DOCK10: variants seen among roughly 807,000 people sequenced by gnomAD.
DOCK10 encodes the protein dedicator of cytokinesis protein 10.
In DOCK10, 145 loss-of-function variants were observed where a neutral mutation model predicts 280.1. That is an observed-to-expected ratio of 0.52 (90% CI 0.45 to 0.59). DOCK10 has a LOEUF of 0.59. Ranked by LOEUF, DOCK10 falls within the 20% of genes least tolerant of loss-of-function variation. The pLI, the probability that DOCK10 is intolerant of heterozygous loss-of-function variation, is 0.00. For missense variants in DOCK10, 2,368 were observed against 2,651.7 expected, an observed-to-expected ratio of 0.89 and a Z score of 2.35; for synonymous variants, 915 against 942.2, an observed-to-expected ratio of 0.97 and a Z score of 0.53.
chr2:224,908,412 C>A (rs530663966), intron 3 of DOCK10, among the ~76,000 whole-genome samples: 1 of 79,294 alleles, frequency 1.3e-5, no homozygotes, highest in Admixed American at 1.6e-4. Context: ...TAATCATCAT[C>A]GTTTGTGTGT....
intron 1 of DOCK10, among the ~76,000 whole-genome samples, chr2:224,986,095 A>G (rs1267764366): frequency 1.3e-5 from 2 of 152,126 alleles, no homozygotes; most frequent in Admixed American, 1.3e-4. Context: ...TCCCCAAAAG[A>G]CCTGGTGCAT....
intron 2 of DOCK10, among the ~76,000 whole-genome samples, chr2:224,918,636 G>T (rs1420025277): frequency 1.3e-5 from 2 of 149,270 alleles, no homozygotes; most frequent in Non-Finnish European, 3.0e-5. Flanking sequence ...GTATGTACTT[G>T]TGGTGTGTGT....
chr2:224,878,949 A>G (rs142312537), intron 7 of DOCK10, among the ~76,000 whole-genome samples: 127 of 152,380 alleles, frequency 8.3e-4, no homozygotes, highest in Middle Eastern at 3.4e-3. Flanking sequence ...AAACATAGCC[A>G]GTCCCTGCTC....
intron 40 of DOCK10, among the ~76,000 whole-genome samples, chr2:224,801,677 T>A (rs1234811501): frequency 6.6e-6 from 1 of 152,152 alleles, no homozygotes; most frequent in East Asian, 1.9e-4. Flanking sequence ...ATGCTGAAAG[T>A]AACTTGTTTC....
Position 224,845,557 on chromosome 2 carries a change from T to C in DOCK10, c.2321A>G (p.Lys774Arg), listed in dbSNP as rs760661755. Reference protein sequence around the residue: ...FYHVTCDINAKANAKKKEALE... With the variant: ...FYHVTCDINARANAKKKEALE... The stretch of plus-strand genomic sequence containing the variant: ...AGCCTCCTTCTTTTTGGCATTAGCT[T>C]TTGCATTGATGTCACAGGTGACGTG... Residue 774 changes from lysine to arginine, a missense_variant, in exon 20 of 56, where the codon AAA becomes AGA. Transcript: ENST00000258390. The C allele has an allele frequency of 3.7e-6, 6 of 1,613,446 alleles. No individual in the cohort carries two copies. The highest frequency in any genetic ancestry group is 1.3e-5 in the African/African-American group (1 of 74,894).
chr2:224,766,824 C>T (rs1234446971), intron 55 of DOCK10, among the ~76,000 whole-genome samples: 3 of 152,178 alleles, frequency 2.0e-5, no homozygotes, highest in Admixed American at 2.0e-4. Context: ...TTATTATAAA[C>T]AGTATGGAAT....
chr2:224,781,353 T>A (rs1691322838), intron 50 of DOCK10, among the ~76,000 whole-genome samples: 1 of 152,140 alleles, frequency 6.6e-6, no homozygotes, highest in Non-Finnish European at 1.5e-5. Context: ...AAGAAGGAGA[T>A]GGAGGAGCAG....
intron 1 of DOCK10, among the ~76,000 whole-genome samples, chr2:224,964,845 A>G (rs1281667315): frequency 6.6e-6 from 1 of 152,202 alleles, no homozygotes; most frequent in Non-Finnish European, 1.5e-5. Context: ...CCCGGCTATA[A>G]GAACACATAC....
chr2:224,918,594 G>A (rs1459684426), intron 2 of DOCK10, among the ~76,000 whole-genome samples: 1 of 150,142 alleles, frequency 6.7e-6, no homozygotes, highest in Non-Finnish European at 1.5e-5. Flanking sequence ...GTATGAGTGT[G>A]TGTGGTGCGT....
At chr2:224,846,961 T>C (rs887177476) in intron 19 of DOCK10, among the ~76,000 whole-genome samples, 1 of 152,192 alleles carries the variant, frequency 6.6e-6, no homozygotes, top group African/African-American at 2.4e-5. Flanking sequence ...TGTTGAGTAA[T>C]ATGGTATAGT....
intron 1 of DOCK10, among the ~76,000 whole-genome samples, chr2:225,003,118 C>T (rs529950361): frequency 1.3e-5 from 2 of 152,310 alleles, no homozygotes; most frequent in South Asian, 2.1e-4. Context: ...ATGATCTCAG[C>T]TCACTGCAGC....
At chr2:224,963,986 G>T (rs1224876056) in intron 1 of DOCK10, among the ~76,000 whole-genome samples, 1 of 143,198 alleles carries the variant, frequency 7.0e-6, no homozygotes, top group African/African-American at 2.6e-5. Context: ...TCACAATTTG[G>T]TCTAAAATTC....
At chr2:224,909,800 A>C (rs1700906033) in intron 3 of DOCK10, among the ~76,000 whole-genome samples, 1 of 152,160 alleles carries the variant, frequency 6.6e-6, no homozygotes, top group African/African-American at 2.4e-5. Context: ...GTTAACATGC[A>C]GTGTTTTAAT....
chr2:224,875,366 G>A (rs1698557776), intron 8 of DOCK10, among the ~76,000 whole-genome samples: 1 of 152,168 alleles, frequency 6.6e-6, no homozygotes, highest in Non-Finnish European at 1.5e-5. Flanking sequence ...TATGCAAAAT[G>A]TCTGAAAATA....
At chr2:224,923,170 G>T (rs11694713) in intron 2 of DOCK10, among the ~76,000 whole-genome samples, 7 of 151,940 alleles carry the variant, frequency 4.6e-5, no homozygotes, top group Non-Finnish European at 2.9e-5. Flanking sequence ...TGCTGGGGTT[G>T]AACTGTATGG....
chr2:224,788,181 C>G (rs1691871563), intron 48 of DOCK10, among the ~76,000 whole-genome samples: 1 of 152,124 alleles, frequency 6.6e-6, no homozygotes, highest in African/African-American at 2.4e-5. Context: ...CATTCCCCAC[C>G]CTGTAGGAAC....
intron 1 of DOCK10, among the ~76,000 whole-genome samples, chr2:224,952,794 G>A (rs1400320981): frequency 2.0e-5 from 3 of 151,812 alleles, no homozygotes; most frequent in Non-Finnish European, 4.4e-5. Context: ...GGGTTTCACC[G>A]TTTTAGCCGG....
chr2:224,966,166 A>G (rs1298385591), intron 1 of DOCK10, among the ~76,000 whole-genome samples: 2 of 151,994 alleles, frequency 1.3e-5, no homozygotes, highest in Non-Finnish European at 2.9e-5. Flanking sequence ...CAGCCTATAC[A>G]CCATCCACTC....
intron 4 of DOCK10, among the ~76,000 whole-genome samples, chr2:224,895,918 C>A (rs1699962074): frequency 6.6e-6 from 1 of 150,702 alleles, no homozygotes; most frequent in Non-Finnish European, 1.5e-5. Context: ...CATGAAAATA[C>A]ATGAAACAAG....
Sources: gnomAD v4.1 joint callset for allele counts (sites outside exome capture counted in the v4.1 genomes callset) on GRCh38, gnomAD v4.1.1 for gene constraint, MANE v1.5 for transcripts, NCBI Gene and HGNC (gene_info 2026-07-23, HGNC 2026-07-21) for gene names.